The following CNTN3 variants were observed in gnomAD, a reference collection of about 807,000 sequenced individuals.
The protein encoded by CNTN3 is contactin-3.
CNTN3 carries 60 observed loss-of-function variants against 119.1 expected under a neutral mutation model. That is an observed-to-expected ratio of 0.50 (90% CI 0.41 to 0.62). The LOEUF (loss-of-function observed/expected upper bound fraction) is 0.62, where lower values mean the gene tolerates loss of function less well. CNTN3 is among the 20% of genes least tolerant of loss of function. CNTN3 has a pLI of 0.00. For synonymous variants in CNTN3, 450 were observed against 438.7 expected, an observed-to-expected ratio of 1.03 and a Z score of -0.32; for missense variants, 1,101 against 1,242.4, an observed-to-expected ratio of 0.89 and a Z score of 1.71.
intron 1 of CNTN3, among the ~76,000 whole-genome samples, chr3:74,568,529 C>T (rs1170012314): frequency 6.6e-6 from 1 of 152,144 alleles, no homozygotes; most frequent in African/African-American, 2.4e-5. Flanking sequence ...CCTGGGATGA[C>T]AACCTAATGA....
At chr3:74,467,476 A>C (rs1702486013) in intron 4 of CNTN3, among the ~76,000 whole-genome samples, 1 of 152,222 alleles carries the variant, frequency 6.6e-6, no homozygotes, top group Non-Finnish European at 1.5e-5. Flanking sequence ...TCACAGCGGT[A>C]TAATGGATAA....
intron 1 of CNTN3, among the ~76,000 whole-genome samples, chr3:74,547,996 G>C (rs1703937681): frequency 6.6e-6 from 1 of 152,114 alleles, no homozygotes; most frequent in African/African-American, 2.4e-5. Flanking sequence ...CCCACCTTTA[G>C]TTCATTCCAG....
chr3:74,458,520 T>C (rs7628916), intron 4 of CNTN3, among the ~76,000 whole-genome samples: 79,924 of 151,876 alleles, frequency 0.53, 21,458 homozygotes, highest in Non-Finnish European at 0.57. Flanking sequence ...TGTCTACATA[T>C]TGTGGCTTCC....
At chr3:74,452,504 T>A (rs1450307402) in intron 4 of CNTN3, among the ~76,000 whole-genome samples, 1 of 148,272 alleles carries the variant, frequency 6.7e-6, no homozygotes, top group Non-Finnish European at 1.5e-5. Context: ...GAATACCCTT[T>A]ATTTCCTTCT....
intron 1 of CNTN3, among the ~76,000 whole-genome samples, chr3:74,570,945 C>T (rs1216260698): frequency 6.6e-6 from 1 of 152,148 alleles, no homozygotes; most frequent in Non-Finnish European, 1.5e-5. Flanking sequence ...CTGTAGACTT[C>T]ACTTTTTCCT....
intron 4 of CNTN3, among the ~76,000 whole-genome samples, chr3:74,451,991 G>A (rs1477927030): frequency 4.4e-5 from 6 of 136,972 alleles, no homozygotes; most frequent in South Asian, 2.3e-4. Flanking sequence ...TTGACTTGGC[G>A]ATGCAGGCTC....
intron 13 of CNTN3, among the ~76,000 whole-genome samples, chr3:74,313,727 G>C (rs932755903): frequency 6.6e-6 from 1 of 152,166 alleles, no homozygotes; most frequent in African/African-American, 2.4e-5. Flanking sequence ...TGGGAGAAGT[G>C]TCTGGATGGC....
At chr3:74,439,057 T>C (rs1176297712) in intron 4 of CNTN3, among the ~76,000 whole-genome samples, 1 of 152,190 alleles carries the variant, frequency 6.6e-6, no homozygotes, top group Non-Finnish European at 1.5e-5. Flanking sequence ...ACCCTTCTTA[T>C]ATAAAAAGAA....
At chr3:74,480,773 A>G (rs1702749712) in intron 4 of CNTN3, among the ~76,000 whole-genome samples, 1 of 152,034 alleles carries the variant, frequency 6.6e-6, no homozygotes. Context: ...CAAAAATAGT[A>G]TAGGGTTCTC....
intron 1 of CNTN3, among the ~76,000 whole-genome samples, chr3:74,579,944 GT>G (rs1263473756): frequency 6.6e-6 from 1 of 151,974 alleles, no homozygotes; most frequent in East Asian, 1.9e-4. Flanking sequence ...GTAAAATACT[GT>G]TTCTTTGAAT....
chr3:74,588,596 A>G (rs1704640976), intron 1 of CNTN3, among the ~76,000 whole-genome samples: 1 of 152,080 alleles, frequency 6.6e-6, no homozygotes, highest in South Asian at 2.1e-4. Flanking sequence ...ACAGAATTGG[A>G]AAAAACTACT....
intron 1 of CNTN3, among the ~76,000 whole-genome samples, chr3:74,555,622 C>A (rs1353507985): frequency 6.6e-6 from 1 of 152,194 alleles, no homozygotes; most frequent in Non-Finnish European, 1.5e-5. Context: ...GATTAAACTT[C>A]TTCCTGGTTT....
rs143279639 is a variant in CNTN3, at chr3:74,536,241, G to A, written c.-80-15049C>T. On this transcript the variant is annotated intron_variant, in intron 1 of 22. Transcript: ENST00000263665. ...GTCCCAAAAACGGTGCCAGATTGGA[G>A]ATCTCCTTAGCCCTGTGTCAACAGG... is the stretch of plus-strand genomic sequence containing the variant. Among the ~76,000 whole-genome samples the A allele has an allele frequency of 3.9e-5, 6 of 152,194 alleles. No individual in the cohort carries two copies. The East Asian group carries it at 1.2e-3, about 30-fold the overall frequency.
At chr3:74,424,997 T>C (rs1191936511) in intron 4 of CNTN3, 57 bp from the exon 5 acceptor site, 1 of 1,166,156 alleles carries the variant, frequency 8.6e-7, no homozygotes, top group African/African-American at 1.6e-5. Context: ...ATCACAAATT[T>C]TACACCAAGA....
At chr3:74,338,759 TA>T (rs1421971129) in intron 11 of CNTN3, among the ~76,000 whole-genome samples, 15 of 152,224 alleles carry the variant, frequency 9.9e-5, no homozygotes, top group Admixed American at 9.8e-4. Context: ...TGTTAAGGTA[TA>T]TTTAAAATAA....
intron 4 of CNTN3, among the ~76,000 whole-genome samples, chr3:74,430,714 G>A: frequency 6.6e-6 from 1 of 152,110 alleles, no homozygotes; most frequent in East Asian, 1.9e-4. Flanking sequence ...CCTCTTTCTT[G>A]ACTGTGTTGG....
At chr3:74,348,612 A>T (rs1270547698) in intron 11 of CNTN3, among the ~76,000 whole-genome samples, 13 of 152,302 alleles carry the variant, frequency 8.5e-5, no homozygotes, top group African/African-American at 2.6e-4. Context: ...CTTGGGCTTC[A>T]TGAGAGGAGA....
intron 2 of CNTN3, 143 bp from the exon 3 acceptor site, chr3:74,499,928 G>C (rs757586985): frequency 1.5e-4 from 108 of 719,462 alleles, no homozygotes; most frequent in Middle Eastern, 6.1e-4. Context: ...TGTAGACATT[G>C]TTTTGTTAAA....
intron 13 of CNTN3, among the ~76,000 whole-genome samples, chr3:74,323,156 G>C (rs1204724044): frequency 1.3e-5 from 2 of 152,188 alleles, no homozygotes; most frequent in Non-Finnish European, 2.9e-5. Flanking sequence ...TAATAATGAT[G>C]TGTCAATGTA....
Sources: gnomAD v4.1 joint callset for allele counts (sites outside exome capture counted in the v4.1 genomes callset) on GRCh38, gnomAD v4.1.1 for gene constraint, MANE v1.5 for transcripts, NCBI Gene and HGNC (gene_info 2026-07-23, HGNC 2026-07-21) for gene names.